CUL1: variants seen among roughly 807,000 people sequenced by gnomAD.
The protein encoded by CUL1 is cullin 1.
A neutral mutation model predicts 118.0 loss-of-function variants in CUL1; 24 were observed. The observed-to-expected ratio is 0.20, with a 90% CI of 0.15 to 0.29. The LOEUF is 0.29. Among genes scored for constraint, CUL1 ranks in the 10% least tolerant of loss-of-function variants. The pLI, the probability that CUL1 is intolerant of heterozygous loss-of-function variation, is 1.00. For synonymous variants in CUL1, 332 were observed against 340.4 expected (o/e 0.98, Z 0.27); for missense variants, 361 against 933.8 (o/e 0.39, Z 7.99).
At chr7:148,782,424 G>A (rs903824763) in intron 9 of CUL1, among the ~76,000 whole-genome samples, 17 of 152,192 alleles carry the variant, frequency 1.1e-4, no homozygotes, top group African/African-American at 3.9e-4. Context: ...TTCACGCTCT[G>A]TGTGTTTTAA....
chr7:148,752,604 A>G (rs964316287), intron 2 of CUL1, among the ~76,000 whole-genome samples: 1 of 152,112 alleles, frequency 6.6e-6, no homozygotes, highest in Non-Finnish European at 1.5e-5. Flanking sequence ...ACCTTAATTT[A>G]TTAAAGATAG....
At chr7:148,718,554 A>AT (rs11440288) in intron 1 of CUL1, among the ~76,000 whole-genome samples, 67,438 of 150,486 alleles carry the variant, frequency 0.45, 15,776 homozygotes, top group African/African-American at 0.61. Flanking sequence ...TCAGTACTTG[A>AT]TTTTTTTTTT....
chr7:148,758,154 T>C (rs891754005), intron 4 of CUL1, among the ~76,000 whole-genome samples: 3 of 152,194 alleles, frequency 2.0e-5, no homozygotes, highest in Non-Finnish European at 4.4e-5. Flanking sequence ...CAGACAATTC[T>C]GATGCATGCT....
intron 2 of CUL1, among the ~76,000 whole-genome samples, chr7:148,746,411 A>G (rs1799311371): frequency 6.6e-6 from 1 of 152,222 alleles, no homozygotes; most frequent in South Asian, 2.1e-4. Flanking sequence ...TTTAAGGACC[A>G]TTGCAAGAAT....
rs568811018 is a variant in CUL1 at position 148,729,010 on chromosome 7, A to G, written c.-161-952A>G. On this transcript the variant is annotated intron_variant, in intron 1 of 21. Transcript: ENST00000325222. ...CAGTGTTTCTTGATTTACACTAGAA[A>G]TAACTATTTAAAACCTTTACGTTTT... is the stretch of plus-strand genomic sequence containing the variant. Among the ~76,000 whole-genome samples, 8 of 152,346 alleles carry G rather than the reference A, an allele frequency of 5.3e-5. No homozygotes were observed. The South Asian group carries it at 1.7e-3, about 32-fold the overall frequency.
intron 2 of CUL1, among the ~76,000 whole-genome samples, chr7:148,740,833 G>A: frequency 6.6e-6 from 1 of 152,208 alleles, no homozygotes; most frequent in Non-Finnish European, 1.5e-5. Flanking sequence ...GCCATGTGAG[G>A]ACACAGTGAG....
At chr7:148,705,468 C>T (rs1177535401) in intron 1 of CUL1, among the ~76,000 whole-genome samples, 3 of 152,164 alleles carry the variant, frequency 2.0e-5, no homozygotes, top group African/African-American at 7.2e-5. Context: ...ATGAGGAATA[C>T]TGTTGTAATT....
intron 1 of CUL1, among the ~76,000 whole-genome samples, chr7:148,723,122 A>C (rs184587739): frequency 6.6e-6 from 1 of 152,376 alleles, no homozygotes; most frequent in Admixed American, 6.5e-5. Context: ...ACACAGTTTT[A>C]CGCAACTGCT....
chr7:148,789,743 C>T lies in CUL1; in HGVS notation c.1598-7C>T. On this transcript the variant is annotated splice_polypyrimidine_tract_variant and splice_region_variant and intron_variant, in intron 14 of 21. Coordinates refer to ENST00000325222, the MANE Select transcript of CUL1 (RefSeq NM_003592.3). ...ATGTTCACTCTCCCCTCTCTTCCGTCCCACAGTGGATTTCAGCATTCAAGT... is the reference window on the plus strand; with the variant it reads ...ATGTTCACTCTCCCCTCTCTTCCGTTCCACAGTGGATTTCAGCATTCAAGT... The T allele has an allele frequency of 6.2e-7, 1 of 1,613,474 alleles. No homozygotes were observed. Among genetic ancestry groups the T allele is most frequent in the Non-Finnish European group, 8.5e-7 (1 of 1,179,382 alleles).
At chr7:148,724,100 C>T (rs57790728) in intron 1 of CUL1, among the ~76,000 whole-genome samples, 4,596 of 152,196 alleles carry the variant, frequency 0.03, 248 homozygotes, top group African/African-American at 0.11. Context: ...AAAGCCCTTC[C>T]AGTATGTATG....
chr7:148,788,688 T>A lies in CUL1; in HGVS notation c.1597+14T>A. ...AACCCCTAGACTGTGAGTATCCGTGTGTCTCTATGTTGTGTTTACAGGCAG... is the reference window on the plus strand; with the variant it reads ...AACCCCTAGACTGTGAGTATCCGTGAGTCTCTATGTTGTGTTTACAGGCAG... On this transcript the variant is annotated intron_variant, in intron 14 of 21. Transcript: ENST00000325222. 1.3e-6 allele frequency: 2 copies of A among 1,522,160 alleles called. No individual in the cohort carries two copies. The highest frequency in any genetic ancestry group is 2.3e-5 in the South Asian group (2 of 88,298). The allele number at this position is 1,522,160 out of a possible 1,614,324, so 94.3% of individuals were successfully genotyped here. A position where few individuals can be genotyped will look rare whatever the true frequency, so the allele number is the denominator to read the frequency against.
At chr7:148,734,423 T>C (rs960572452) in intron 2 of CUL1, among the ~76,000 whole-genome samples, 1 of 152,206 alleles carries the variant, frequency 6.6e-6, no homozygotes, top group African/African-American at 2.4e-5. Flanking sequence ...TTTGTATTTT[T>C]TGTAGATACA....
At chr7:148,728,108 G>A (rs932608224) in intron 1 of CUL1, among the ~76,000 whole-genome samples, 1 of 152,166 alleles carries the variant, frequency 6.6e-6, no homozygotes, top group African/African-American at 2.4e-5. Flanking sequence ...ATGAGCTAAT[G>A]CATTTGAAAT....
At chr7:148,781,730 G>A (rs1322925874) in intron 9 of CUL1, among the ~76,000 whole-genome samples, 12 of 152,210 alleles carry the variant, frequency 7.9e-5, no homozygotes, top group African/African-American at 2.9e-4. Flanking sequence ...GCGTTTTCGG[G>A]AATGAGGGTG....
chr7:148,781,079 A>ATTTTTTTTTTTTTTTTTTTTTTTTTT (rs1197920664), intron 9 of CUL1, among the ~76,000 whole-genome samples: 1 of 93,732 alleles, frequency 1.1e-5, no homozygotes, highest in African/African-American at 4.6e-5. Context: ...TCAAGGCCAG[A>ATTTTTTTTTTTTTTTTTTTTTTTTTT]TTTTTTTTTT....
At chr7:148,767,973 T>A (rs1800061164) in intron 9 of CUL1, among the ~76,000 whole-genome samples, 1 of 151,622 alleles carries the variant, frequency 6.6e-6, no homozygotes. Context: ...ATAATGTTAT[T>A]TTTTTTTTCC....
chr7:148,792,808 A>G lies in CUL1; in HGVS notation c.1889A>G (p.Gln630Arg), dbSNP rs1315677008. Reference sequence around the variant, plus strand: ...GTGCAGCAGCTGACCGACAGCACTCAAATTAAAATGGTATTCTCATCTCAG... The same window carrying G: ...GTGCAGCAGCTGACCGACAGCACTCGAATTAAAATGGTATTCTCATCTCAG... ...YTVQQLTDST[Q>R]IKMDILAQVL... The change falls in exon 17 of 22, where the codon CAA (glutamine) becomes CGA (arginine). Residue 630 changes from glutamine to arginine, a missense_variant. Gln to Arg is a conservative substitution (Grantham distance 43). Transcript: ENST00000325222. The G allele has an allele frequency of 1.9e-6, 3 of 1,611,106 alleles. No individual in the cohort carries two copies. The African/African-American group carries it at 4.0e-5, about 22-fold the overall frequency.
chr7:148,783,925 T>C (rs1417562355), intron 10 of CUL1, 35 bp downstream of exon 10: 4 of 1,613,370 alleles, frequency 2.5e-6, no homozygotes, highest in Non-Finnish European at 3.4e-6. Flanking sequence ...GCCTGTAGTA[T>C]GTATGGATGG....
At chr7:148,742,297 TCA>T (rs548189015) in intron 2 of CUL1, among the ~76,000 whole-genome samples, 110 of 152,270 alleles carry the variant, frequency 7.2e-4, no homozygotes, top group African/African-American at 2.4e-3. Context: ...TGGGGAGGCC[TCA>T]CAATCATGGT....
Sources: gnomAD v4.1 joint callset for allele counts (sites outside exome capture counted in the v4.1 genomes callset) on GRCh38, gnomAD v4.1.1 for gene constraint, MANE v1.5 for transcripts, NCBI Gene and HGNC (gene_info 2026-07-23, HGNC 2026-07-21) for gene names.